The following ENPP6 variants were observed in gnomAD, a reference collection of about 807,000 sequenced individuals.
ENPP6 encodes the protein glycerophosphocholine cholinephosphodiesterase ENPP6.
In ENPP6, 32 loss-of-function variants were observed where a neutral mutation model predicts 42.0. The observed-to-expected ratio is 0.76, with a 90% CI of 0.58 to 1.02. The LOEUF is 1.02. ENPP6 is among the 50% of genes least tolerant of loss of function. The pLI is 0.00. For missense variants in ENPP6, 552 were observed against 566.8 expected, an observed-to-expected ratio of 0.97 and a Z score of 0.27; for synonymous variants, 213 against 216.0, an observed-to-expected ratio of 0.99 and a Z score of 0.12.
chr4:184,109,501 T>C (rs1027630151), intron 6 of ENPP6, among the ~76,000 whole-genome samples: 2 of 152,172 alleles, frequency 1.3e-5, no homozygotes, highest in African/African-American at 2.4e-5. Flanking sequence ...TACATGAAGA[T>C]GAATTTCGCA....
intron 1 of ENPP6, among the ~76,000 whole-genome samples, chr4:184,212,575 CAA>C (rs1733129691): frequency 6.6e-6 from 1 of 150,846 alleles, no homozygotes; most frequent in Admixed American, 6.6e-5. Flanking sequence ...AACCACTGGT[CAA>C]CGAAATAAAA....
At chr4:184,136,152 C>T (rs923990427) in intron 2 of ENPP6, among the ~76,000 whole-genome samples, 3 of 150,698 alleles carry the variant, frequency 2.0e-5, no homozygotes, top group Non-Finnish European at 4.4e-5. Context: ...TTGCAAAGGG[C>T]CCCAGCGATG....
At chr4:184,215,579 C>T (rs552294155) in intron 1 of ENPP6, among the ~76,000 whole-genome samples, 64 of 152,158 alleles carry the variant, frequency 4.2e-4, no homozygotes, top group Non-Finnish European at 4.8e-4. Flanking sequence ...AGGTACAAGA[C>T]AAATCATACC....
chr4:184,136,233 T>TAAATATA (rs1736728551), intron 2 of ENPP6, among the ~76,000 whole-genome samples: 3 of 151,478 alleles, frequency 2.0e-5, no homozygotes, highest in Non-Finnish European at 4.4e-5. Context: ...AAAATTTATA[T>TAAATATA]TAAAATATAA....
chr4:184,199,668 G>T (rs553295981), intron 1 of ENPP6, among the ~76,000 whole-genome samples: 1 of 152,206 alleles, frequency 6.6e-6, no homozygotes, highest in Non-Finnish European at 1.5e-5. Flanking sequence ...ACTTCTGTCT[G>T]CTGCCGTCCA....
At position 184,153,744 on chromosome 4, in the gene ENPP6, GA is replaced by G; in HGVS notation, c.242-12del. On this transcript the variant is annotated splice_polypyrimidine_tract_variant and intron_variant, in intron 1 of 7. Coordinates refer to ENST00000296741, the MANE Select transcript of ENPP6 (RefSeq NM_153343.4). Reference sequence around the variant, plus strand: ...CTTCACAATGGCGGCCTATGTCAATGAGAACACAGCTGTCAGTTTACGGTTC... The same window carrying G: ...CTTCACAATGGCGGCCTATGTCAATGGAACACAGCTGTCAGTTTACGGTTC... 1 of 1,613,030 alleles carries G rather than the reference GA, an allele frequency of 6.2e-7. No individual in the cohort carries two copies. Among genetic ancestry groups the G allele is most frequent in the Non-Finnish European group, 8.5e-7 (1 of 1,179,454 alleles).
intron 1 of ENPP6, among the ~76,000 whole-genome samples, chr4:184,197,908 G>A (rs1485786426): frequency 1.3e-5 from 2 of 152,206 alleles, no homozygotes; most frequent in African/African-American, 4.8e-5. Context: ...TCCTCCCACA[G>A]AGACCAGTGA....
intron 2 of ENPP6, among the ~76,000 whole-genome samples, chr4:184,141,779 A>G (rs1423996078): frequency 1.3e-5 from 2 of 152,126 alleles, no homozygotes; most frequent in Admixed American, 6.5e-5. Context: ...TAATAATAAT[A>G]ATGATGATGA....
intron 2 of ENPP6, among the ~76,000 whole-genome samples, chr4:184,131,140 A>ACTTACTTTCTTTCTTTCTTTCTTT (rs1491154845): frequency 2.5e-5 from 3 of 121,706 alleles, no homozygotes; most frequent in East Asian, 2.4e-4. Context: ...ACCAGCACTT[A>ACTTACTTTCTTTCTTTCTTTCTTT]CTTTCTTTCT....
intron 1 of ENPP6, among the ~76,000 whole-genome samples, chr4:184,171,960 G>C (rs1365295361): frequency 6.6e-6 from 1 of 152,180 alleles, no homozygotes; most frequent in Non-Finnish European, 1.5e-5. Flanking sequence ...GGTGCAGTCA[G>C]CACTGGAAGT....
chr4:184,198,671 T>C (rs1165191306), intron 1 of ENPP6, among the ~76,000 whole-genome samples: 2 of 152,262 alleles, frequency 1.3e-5, no homozygotes, highest in Admixed American at 6.5e-5. Context: ...TGAATGTGAA[T>C]GTATTTCCCT....
At chr4:184,182,846 G>T (rs940060878) in intron 1 of ENPP6, among the ~76,000 whole-genome samples, 2 of 152,142 alleles carry the variant, frequency 1.3e-5, no homozygotes, top group African/African-American at 2.4e-5. Context: ...AACACACACT[G>T]GGGCCTGTTG....
intron 2 of ENPP6, among the ~76,000 whole-genome samples, chr4:184,146,691 C>T (rs1396719996): frequency 6.6e-6 from 1 of 152,188 alleles, no homozygotes; most frequent in Non-Finnish European, 1.5e-5. Flanking sequence ...TGTGTGTCAA[C>T]AGTTGTCAAG....
Position 184,186,180 on chromosome 4 carries a change from T to C in ENPP6, c.241+31399A>G, listed in dbSNP as rs532120525. Among the ~76,000 whole-genome samples the C allele has an allele frequency of 1.3e-3, 191 of 152,320 alleles. 1 individual carries two copies. Among genetic ancestry groups the C allele is most frequent in the African/African-American group, 4.5e-3 (188 of 41,562 alleles). ...TGTTTTTGTACTTTGAAATTTTCTA[T>C]TATAAAAACTTGAGGAATAGCCATA... On this transcript the variant is annotated intron_variant, in intron 1 of 7. Coordinates refer to ENST00000296741, the MANE Select transcript of ENPP6 (RefSeq NM_153343.4).
At position 184,156,450 on chromosome 4, in the gene ENPP6, C is replaced by T. The variant is rs368683459; in HGVS notation, c.242-2717G>A. 1.2e-4 allele frequency among the ~76,000 whole-genome samples: 18 copies of T among 152,308 alleles called. 1 individual carries two copies. Among genetic ancestry groups the T allele is most frequent in the East Asian group, 1.2e-3 (6 of 5,190 alleles). On this transcript the variant is annotated intron_variant, in intron 1 of 7. Coordinates refer to ENST00000296741, the MANE Select transcript of ENPP6 (RefSeq NM_153343.4). ...ACAATGTACTGGCTTCTGCAGCCCACGAGCTCTCATCTCCATATTCCTGCC... is the reference window on the plus strand; with the variant it reads ...ACAATGTACTGGCTTCTGCAGCCCATGAGCTCTCATCTCCATATTCCTGCC...
chr4:184,137,298 T>C (rs934444730), intron 2 of ENPP6, among the ~76,000 whole-genome samples: 1 of 152,194 alleles, frequency 6.6e-6, no homozygotes, highest in Non-Finnish European at 1.5e-5. Context: ...AGTTTCACCA[T>C]GTTGGCCAGA....
At chr4:184,096,283 T>C (rs902157459) in intron 7 of ENPP6, among the ~76,000 whole-genome samples, 3 of 152,216 alleles carry the variant, frequency 2.0e-5, no homozygotes, top group Admixed American at 2.0e-4. Context: ...GCAGAGCTTG[T>C]AGATGTGATG....
At chr4:184,124,123 A>C in intron 3 of ENPP6, 38 bp downstream of exon 3, 1 of 1,508,542 alleles carries the variant, frequency 6.6e-7, no homozygotes, top group Non-Finnish European at 9.2e-7. Flanking sequence ...CCTGGAAACA[A>C]GGAAGAAAAT....
At chr4:184,127,357 C>T (rs1344747112) in intron 2 of ENPP6, among the ~76,000 whole-genome samples, 2 of 151,158 alleles carry the variant, frequency 1.3e-5, no homozygotes, top group Admixed American at 6.6e-5. Flanking sequence ...TAAAAGTACT[C>T]AATTAGTGAA....
Sources: allele counts gnomAD v4.1 joint callset (sites outside exome capture counted in the v4.1 genomes callset), GRCh38; gene constraint gnomAD v4.1.1; transcripts MANE v1.5; gene names NCBI Gene and HGNC (gene_info 2026-07-23, HGNC 2026-07-21).